The following CARMIL1 variants were observed in gnomAD, a reference collection of about 807,000 sequenced individuals.
CARMIL1 encodes the protein capping protein regulator and myosin 1 linker 1, also known as F-actin-uncapping protein LRRC16A.
CARMIL1 carries 90 observed loss-of-function variants against 177.1 expected under a neutral mutation model. That is an observed-to-expected ratio of 0.51 (90% CI 0.43 to 0.61). CARMIL1 has a LOEUF of 0.61. Ranked by LOEUF, CARMIL1 falls within the 20% of genes least tolerant of loss-of-function variation. CARMIL1 has a pLI of 0.00. For synonymous variants in CARMIL1, 577 were observed against 606.2 expected (o/e 0.95, Z 0.71); for missense variants, 1,380 against 1,667.0 (o/e 0.83, Z 3.00).
chr6:25,479,296 GCTTCT>G (rs752863064), intron 11 of CARMIL1: 3 of 492,300 alleles, frequency 6.1e-6, no homozygotes, highest in Non-Finnish European at 1.2e-5. Context: ...GGCTTCTTTT[GCTTCT>G]CTTTGTGGAG....
intron 2 of CARMIL1, among the ~76,000 whole-genome samples, chr6:25,418,070 A>G (rs1397284404): frequency 6.6e-6 from 1 of 152,206 alleles, no homozygotes; most frequent in African/African-American, 2.4e-5. Flanking sequence ...GTGGTTAAGG[A>G]CACAGGCTTT....
At chr6:25,530,204 ATCTTAAAGCGT>A (rs1263014637) in intron 24 of CARMIL1, among the ~76,000 whole-genome samples, 2 of 151,998 alleles carry the variant, frequency 1.3e-5, no homozygotes, top group Non-Finnish European at 2.9e-5. Flanking sequence ...AAAAAAAAAA[ATCTTAAAGCGT>A]TCCAGAAAGA....
At chr6:25,607,742 A>AT (rs1303829552) in intron 35 of CARMIL1, among the ~76,000 whole-genome samples, 1 of 151,884 alleles carries the variant, frequency 6.6e-6, no homozygotes, top group African/African-American at 2.4e-5. Context: ...TCCGTCACAT[A>AT]TTTTTTTTCA....
chr6:25,578,139 A>AC (rs908100099), intron 29 of CARMIL1, among the ~76,000 whole-genome samples: 15 of 151,998 alleles, frequency 9.9e-5, no homozygotes, highest in Middle Eastern at 3.4e-3. Context: ...TCAAACGCTG[A>AC]CCCCCCTTCA....
chr6:25,509,519 T>C lies in CARMIL1; in HGVS notation c.1396-137T>C. On this transcript the variant is annotated intron_variant, in intron 17 of 36. Coordinates refer to ENST00000329474, the MANE Select transcript of CARMIL1 (RefSeq NM_017640.6). This position sits in a 1 kb window ranked among gnomAD's most constrained non-coding sequence, Gnocchi z 4.1. ...TCTTTACCCACTGATAATAGCTTCT[T>C]TGGAGTTGATAAGCTTTTACTTTTT... 1 of 646,910 alleles carries C rather than the reference T, an allele frequency of 1.5e-6. No individual in the cohort carries two copies. The highest frequency in any genetic ancestry group is 2.8e-5 in the East Asian group (1 of 35,292). 40.1% of individuals were successfully genotyped at this position (646,910 alleles called of 1,614,324 possible). A position where few individuals can be genotyped will look rare whatever the true frequency, so the allele number is the denominator to read the frequency against.
chr6:25,437,334 T>C (rs559397170), intron 5 of CARMIL1, among the ~76,000 whole-genome samples: 1 of 152,348 alleles, frequency 6.6e-6, no homozygotes, highest in African/African-American at 2.4e-5. Context: ...CTTATTTGTT[T>C]AGTATTGTAG....
At chr6:25,390,320 A>ATATATTTTTTTTTTT (rs1554184839) in intron 2 of CARMIL1, among the ~76,000 whole-genome samples, 4 of 58,098 alleles carry the variant, frequency 6.9e-5, no homozygotes, top group Non-Finnish European at 1.3e-4. Flanking sequence ...ATATATATAT[A>ATATATTTTTTTTTTT]TTTTTTTTTT....
At chr6:25,593,725 C>T (rs1403548202) in intron 31 of CARMIL1, among the ~76,000 whole-genome samples, 1 of 152,152 alleles carries the variant, frequency 6.6e-6, no homozygotes, top group Non-Finnish European at 1.5e-5. Context: ...TTCTGCAGCT[C>T]AGACATCACA....
chr6:25,362,153 GC>G (rs1368525560), intron 2 of CARMIL1, among the ~76,000 whole-genome samples: 1 of 152,066 alleles, frequency 6.6e-6, no homozygotes, highest in East Asian at 1.9e-4. Flanking sequence ...TCCCCCTCAG[GC>G]CAGATATTAC....
chr6:25,613,952 A>T (rs1816693325), intron 36 of CARMIL1, among the ~76,000 whole-genome samples: 1 of 152,154 alleles, frequency 6.6e-6, no homozygotes, highest in African/African-American at 2.4e-5. Flanking sequence ...GAGTGACCTT[A>T]TTATAGGGAT....
chr6:25,472,512 G>A lies in CARMIL1; in HGVS notation c.865G>A (p.Glu289Lys). The A allele has an allele frequency of 6.4e-7, 1 of 1,572,738 alleles. No homozygotes were observed. The highest frequency in any genetic ancestry group is 8.6e-7 in the Non-Finnish European group (1 of 1,157,840). Reference protein sequence around the residue: ...HTINLAGNPLEDRGVSSLSIQ... With the variant: ...HTINLAGNPLKDRGVSSLSIQ... ...AATTAACCTTGCTGGCAACCCACTGGAGGATAGAGGTACTGCAGAGTTCTC... is the reference window on the plus strand; with the variant it reads ...AATTAACCTTGCTGGCAACCCACTGAAGGATAGAGGTACTGCAGAGTTCTC... The change falls in exon 11 of 37, where the codon GAG becomes AAG. Residue 289 changes from glutamate to lysine, a missense_variant. Coordinates refer to ENST00000329474, the MANE Select transcript of CARMIL1 (RefSeq NM_017640.6).
Position 25,426,580 on chromosome 6 carries a change from C to T in CARMIL1, c.249+20C>T, listed in dbSNP as rs1300303782. ...GCTCAGGTGAGTGTGAAAAATGGATCACTGCAAGATCATGATCTTTCTTGA... is the reference window on the plus strand; with the variant it reads ...GCTCAGGTGAGTGTGAAAAATGGATTACTGCAAGATCATGATCTTTCTTGA... On this transcript the variant is annotated intron_variant, in intron 4 of 36. Coordinates refer to ENST00000329474, the MANE Select transcript of CARMIL1 (RefSeq NM_017640.6). 1.9e-6 allele frequency: 3 copies of T among 1,603,032 alleles called. No homozygotes were observed. The East Asian group carries it at 6.7e-5, about 36-fold the overall frequency.
rs1390457870 is a variant in CARMIL1, at chr6:25,328,834, A to G, written c.138+43925A>G. 2.9e-5 allele frequency among the ~76,000 whole-genome samples: 4 copies of G among 137,648 alleles called. No individual in the cohort carries two copies. In the East Asian group the frequency reaches 6.6e-4, roughly 23 times the overall value. The allele number at this position is 137,648 out of a possible 152,430, so 90.3% of individuals were successfully genotyped here. ...TAATTAAAAATTTAAAAAAAATGCAATGAGAGGGGAAAAAAATCTCCTGGA... is the reference window on the plus strand; with the variant it reads ...TAATTAAAAATTTAAAAAAAATGCAGTGAGAGGGGAAAAAAATCTCCTGGA... On this transcript the variant is annotated intron_variant, in intron 2 of 36. Transcript: ENST00000329474.
At chr6:25,568,791 A>AT (rs1811796631) in intron 29 of CARMIL1, among the ~76,000 whole-genome samples, 1 of 152,198 alleles carries the variant, frequency 6.6e-6, no homozygotes, top group Non-Finnish European at 1.5e-5. Context: ...AGGTAACTGA[A>AT]TGAACTGGCC....
At chr6:25,549,935 CAT>C (rs769686851) in intron 26 of CARMIL1, among the ~76,000 whole-genome samples, 1 of 152,202 alleles carries the variant, frequency 6.6e-6, no homozygotes, top group South Asian at 2.1e-4. Context: ...ACACATTAGA[CAT>C]GTAATATTAT....
At chr6:25,306,453 C>T (rs1448473178) in intron 2 of CARMIL1, among the ~76,000 whole-genome samples, 6 of 152,030 alleles carry the variant, frequency 3.9e-5, no homozygotes, top group African/African-American at 1.2e-4. Flanking sequence ...AGTTGATGCT[C>T]GATGATCTGA....
At chr6:25,377,738 A>G (rs1049018331) in intron 2 of CARMIL1, among the ~76,000 whole-genome samples, 26 of 152,186 alleles carry the variant, frequency 1.7e-4, no homozygotes, top group Admixed American at 3.9e-4. Context: ...GTTGCAGGCA[A>G]TAGTGATTGC....
chr6:25,517,299 C>A, intron 21 of CARMIL1, 48 bp from the exon 22 acceptor site: 3 of 1,415,612 alleles, frequency 2.1e-6, no homozygotes, highest in South Asian at 1.2e-5. Flanking sequence ...ATGTGAGAAT[C>A]ATTTTCTTTA....
chr6:25,338,637 T>C (rs766740092), intron 2 of CARMIL1, among the ~76,000 whole-genome samples: 1 of 152,142 alleles, frequency 6.6e-6, no homozygotes, highest in Non-Finnish European at 1.5e-5. Flanking sequence ...TCATTACTTA[T>C]GAACAAATGT....
Sources: gnomAD v4.1 joint callset for allele counts (sites outside exome capture counted in the v4.1 genomes callset) on GRCh38, gnomAD v4.1.1 for gene constraint, Gnocchi (gnomAD v3.1) non-coding constraint, MANE v1.5 for transcripts, NCBI Gene and HGNC (gene_info 2026-07-23, HGNC 2026-07-21) for gene names.